The following TIMP2 variants were observed in gnomAD, a reference collection of about 807,000 sequenced individuals.
The protein encoded by TIMP2 is metalloproteinase inhibitor 2.
Under a neutral mutation model 24.3 loss-of-function variants are expected in TIMP2, and 5 were observed. The observed-to-expected ratio is 0.21, with a 90% CI of 0.11 to 0.43. The LOEUF (loss-of-function observed/expected upper bound fraction) is 0.43. Ranked by LOEUF, TIMP2 falls within the 20% of genes least tolerant of loss-of-function variation. The probability of loss-of-function intolerance (pLI) is 1.00; values close to 1 mark genes in which losing one functional copy is unlikely to be tolerated. For missense variants in TIMP2, 221 were observed against 297.5 expected (o/e 0.74, Z 1.89); for synonymous variants, 130 against 123.2 (o/e 1.06, Z -0.37).
chr17:78,885,596 C>T (rs557688670), intron 1 of TIMP2, among the ~76,000 whole-genome samples: 2 of 152,310 alleles, frequency 1.3e-5, no homozygotes, highest in Admixed American at 1.3e-4. Flanking sequence ...AGGATTTAGG[C>T]TCGCAAGGCA....
intron 3 of TIMP2, among the ~76,000 whole-genome samples, chr17:78,860,627 G>A (rs987054010): frequency 2.6e-5 from 4 of 152,132 alleles, no homozygotes; most frequent in African/African-American, 4.8e-5. Flanking sequence ...CCTTTTCTCC[G>A]TTTAGACTTA....
In TIMP2 at chr17:78,853,905, A is replaced by G. The variant is rs1162438168; in HGVS notation, c.*1762T>C. 6.6e-6 allele frequency: 1 copy of G among 152,346 alleles called. No individual in the cohort carries two copies. The highest frequency in any genetic ancestry group is 1.5e-5 in the Non-Finnish European group (1 of 68,066). 9.4% of individuals were successfully genotyped at this position (152,346 alleles called of 1,614,324 possible). ...GTCTGGTGGAGTTGTATATACTGAA[A>G]TCACATGGACTGGTCCATTATGACA... is the stretch of plus-strand genomic sequence containing the variant. On this transcript the variant is annotated 3_prime_UTR_variant, in exon 5 of 5. Transcript: ENST00000262768.
intron 1 of TIMP2, among the ~76,000 whole-genome samples, chr17:78,903,927 T>A (rs2070131678): frequency 6.6e-6 from 1 of 151,892 alleles, no homozygotes; most frequent in Admixed American, 6.6e-5. Flanking sequence ...CAAGATATGT[T>A]TTTTGTTTGT....
intron 1 of TIMP2, chr17:78,902,761 T>A (rs1164679760): frequency 6.6e-6 from 1 of 152,256 alleles, no homozygotes; most frequent in African/African-American, 2.4e-5. Context: ...ACAGCGTCCA[T>A]TACCGCTTCC....
chr17:78,916,473 G>A (rs1373215139), intron 1 of TIMP2, among the ~76,000 whole-genome samples: 2 of 152,050 alleles, frequency 1.3e-5, no homozygotes, highest in Non-Finnish European at 2.9e-5. Flanking sequence ...ACCTCTACCC[G>A]CCTGAGCTCC....
At chr17:78,884,932 C>T (rs948881055) in intron 1 of TIMP2, among the ~76,000 whole-genome samples, 1 of 152,232 alleles carries the variant, frequency 6.6e-6, no homozygotes, top group African/African-American at 2.4e-5. Flanking sequence ...AGAAGATGGA[C>T]GCCCCAGGGC....
chr17:78,855,711 C>A lies in TIMP2; in HGVS notation c.619G>T (p.Ala207Ser). 6.2e-7 allele frequency: 1 copy of A among 1,614,122 alleles called. No homozygotes were observed. Among genetic ancestry groups the A allele is most frequent in the South Asian group, 1.1e-5 (1 of 91,084 alleles). The change falls in exon 5 of 5, where the codon GCG becomes TCG. Residue 207 changes from alanine to serine, a missense_variant. Physicochemically the swap from Ala to Ser is moderately conservative, Grantham distance 99. Coordinates refer to ENST00000262768, the MANE Select transcript of TIMP2 (RefSeq NM_003255.5). The surrounding 1 kb of genome is among the most constrained non-coding windows in gnomAD (Gnocchi z 6.0). ...SDGSCAWYRG[A>S]APPKQEFLDI... ...AGAAACTCCTGCTTGGGGGGCGCCG[C>A]GCCGCGGTACCACGCACAGGAGCCG...
At chr17:78,895,433 C>T (rs1045867528) in intron 1 of TIMP2, among the ~76,000 whole-genome samples, 24 of 152,208 alleles carry the variant, frequency 1.6e-4, no homozygotes, top group Admixed American at 1.6e-3. Context: ...GTCCTGCCAC[C>T]TCACATCCAC....
Position 78,857,532 on chromosome 17 carries a change from C to A in TIMP2, c.455G>T (p.Cys152Phe). The A allele has an allele frequency of 1.2e-6, 2 of 1,614,174 alleles. No individual in the cohort carries two copies. Among genetic ancestry groups the A allele is most frequent in the Non-Finnish European group, 1.7e-6 (2 of 1,180,024 alleles). ...GCAGGACCTGCTTACCTTGCACTCG[C>A]AGCCCATCTGGTACCTGTGGTTCAG... Reference protein sequence around the residue: ...KSLNHRYQMGCECKITRCPMI... With the variant: ...KSLNHRYQMGFECKITRCPMI... The change falls in exon 4 of 5, where the codon TGC (cysteine) becomes TTC (phenylalanine). Residue 152 changes from cysteine (C) to phenylalanine (F), a missense_variant. Cys to Phe is a radical substitution (Grantham distance 205). Transcript: ENST00000262768.
At chr17:78,886,608 C>A (rs1157328553) in intron 1 of TIMP2, among the ~76,000 whole-genome samples, 1 of 152,192 alleles carries the variant, frequency 6.6e-6, no homozygotes, top group South Asian at 2.1e-4. Context: ...TCCTGACCCC[C>A]AGTTTCCTTC....
intron 1 of TIMP2, among the ~76,000 whole-genome samples, chr17:78,879,005 C>G (rs977564752): frequency 1.3e-5 from 2 of 152,260 alleles, no homozygotes; most frequent in Non-Finnish European, 2.9e-5. Flanking sequence ...GAGGGGCCAG[C>G]TGACAGCTCT....
chr17:78,904,079 C>A (rs2070133228), intron 1 of TIMP2: 1 of 48,938 alleles, frequency 2.0e-5, no homozygotes, highest in African/African-American at 1.3e-4. Context: ...TGCCACCATG[C>A]CCAGCTAATT....
At chr17:78,860,432 G>A (rs902469907) in intron 3 of TIMP2, among the ~76,000 whole-genome samples, 6 of 152,166 alleles carry the variant, frequency 3.9e-5, no homozygotes, top group East Asian at 1.9e-4. Flanking sequence ...ACAGCCCAGC[G>A]AAGGACTAAT....
At chr17:78,863,468 T>A (rs1387231117) in intron 3 of TIMP2, among the ~76,000 whole-genome samples, 1 of 152,170 alleles carries the variant, frequency 6.6e-6, no homozygotes, top group Non-Finnish European at 1.5e-5. Context: ...GGTCTCAATC[T>A]CCTGACCTCA....
chr17:78,895,339 G>A (rs900016435), intron 1 of TIMP2, among the ~76,000 whole-genome samples: 3 of 152,094 alleles, frequency 2.0e-5, no homozygotes, highest in Admixed American at 1.3e-4. Context: ...TTTCACCAAA[G>A]AACATAGATG....
At chr17:78,856,877 A>T (rs2069528151) in intron 4 of TIMP2, 1 of 152,270 alleles carries the variant, frequency 6.6e-6, no homozygotes, top group Non-Finnish European at 1.5e-5. Flanking sequence ...TTTGTAGAAA[A>T]TTCTCCATGG....
At chr17:78,875,746 G>C (rs534520660) in intron 1 of TIMP2, among the ~76,000 whole-genome samples, 1 of 152,028 alleles carries the variant, frequency 6.6e-6, no homozygotes, top group African/African-American at 2.4e-5. Flanking sequence ...CCACGTGGTC[G>C]GCTCAAATCT....
At position 78,854,979 on chromosome 17, in the gene TIMP2, C is replaced by G. The variant is rs995901325; in HGVS notation, c.*688G>C. 6 of 150,336 alleles carry G rather than the reference C, an allele frequency of 4.0e-5. No homozygotes were observed. The South Asian group carries it at 1.3e-3, about 32-fold the overall frequency. The allele number at this position is 150,336 out of a possible 1,614,324, so 9.3% of individuals were successfully genotyped here. A position where few individuals can be genotyped will look rare whatever the true frequency, so the allele number is the denominator to read the frequency against. ...CAAAAAGACTCAGCTGAGGCTGGAA[C>G]GCAGCTCAGCTGGGGTTTCTCGCTC... is the stretch of plus-strand genomic sequence containing the variant. On this transcript the variant is annotated 3_prime_UTR_variant, in exon 5 of 5. Coordinates refer to ENST00000262768, the MANE Select transcript of TIMP2 (RefSeq NM_003255.5).
chr17:78,891,731 G>T lies in TIMP2; in HGVS notation c.131-17812C>A, dbSNP rs2069898762. On this transcript the variant is annotated intron_variant, in intron 1 of 4. Transcript: ENST00000262768. The surrounding 1 kb of genome is among the most constrained non-coding windows in gnomAD (Gnocchi z 4.5). ...CACAAGCCCGATTTCTCCCACAGCA[G>T]CCACGAGTGGGTTTGACCTTTCTAG... The T allele has an allele frequency of 6.4e-7, 1 of 1,551,120 alleles. No homozygotes were observed. Among genetic ancestry groups the T allele is most frequent in the African/African-American group, 1.4e-5 (1 of 73,052 alleles).
Sources: allele counts gnomAD v4.1 joint callset (sites outside exome capture counted in the v4.1 genomes callset), GRCh38; gene constraint gnomAD v4.1.1; non-coding constraint Gnocchi (gnomAD v3.1); transcripts MANE v1.5; gene names NCBI Gene and HGNC (gene_info 2026-07-23, HGNC 2026-07-21).